STARD3NL: variants seen among roughly 807,000 people sequenced by gnomAD.
STARD3NL encodes the protein STARD3 N-terminal-like protein.
Under a neutral mutation model 30.9 loss-of-function variants are expected in STARD3NL, and 17 were observed. That is an observed-to-expected ratio of 0.55 (90% confidence interval 0.38 to 0.82). The LOEUF (loss-of-function observed/expected upper bound fraction) is 0.82. STARD3NL is among the 40% of genes least tolerant of loss of function. The pLI is 0.00. For missense variants in STARD3NL, 234 were observed against 277.6 expected (o/e 0.84, Z 1.12); for synonymous variants, 112 against 100.5 (o/e 1.11, Z -0.69).
chr7:38,229,866 G>C (rs1042883612), intron 8 of STARD3NL, 57 bp from the exon 9 acceptor site: 1 of 94,910 alleles, frequency 1.1e-5, no homozygotes, highest in Non-Finnish European at 2.4e-5. Flanking sequence ...GGTGACCGTG[G>C]CATTTTGCCT....
chr7:38,199,628 T>C (rs1785081877), intron 1 of STARD3NL, among the ~76,000 whole-genome samples: 1 of 152,160 alleles, frequency 6.6e-6, no homozygotes, highest in African/African-American at 2.4e-5. Context: ...GCCTGGAGGT[T>C]GGAATATGGG....
intron 7 of STARD3NL, among the ~76,000 whole-genome samples, chr7:38,223,295 C>T (rs1282114009): frequency 6.6e-6 from 1 of 152,130 alleles, no homozygotes. Context: ...TGCAGGCTTG[C>T]TTGTTGATCA....
chr7:38,204,248 C>T (rs1421932911), intron 1 of STARD3NL, among the ~76,000 whole-genome samples: 1 of 152,216 alleles, frequency 6.6e-6, no homozygotes, highest in African/African-American at 2.4e-5. Flanking sequence ...AAGCACTCCT[C>T]AGCAAATGTA....
At chr7:38,214,529 C>T (rs1390286525) in intron 3 of STARD3NL, 95 bp downstream of exon 3, 1 of 690,810 alleles carries the variant, frequency 1.4e-6, no homozygotes, top group African/African-American at 1.9e-5. Context: ...CCCTTTTTTC[C>T]TCTTTTGAAC....
intron 1 of STARD3NL, among the ~76,000 whole-genome samples, chr7:38,185,597 A>C (rs1333784220): frequency 2.0e-5 from 3 of 152,192 alleles, no homozygotes; most frequent in Non-Finnish European, 4.4e-5. Flanking sequence ...AGTGAGTAGA[A>C]GATGGCTCTG....
intron 1 of STARD3NL, among the ~76,000 whole-genome samples, chr7:38,195,275 C>T (rs971431920): frequency 6.6e-6 from 1 of 152,104 alleles, no homozygotes; most frequent in East Asian, 1.9e-4. Flanking sequence ...AGGCTGGTCT[C>T]GAACTCCTGA....
intron 1 of STARD3NL, among the ~76,000 whole-genome samples, chr7:38,200,386 G>A (rs369190872): frequency 2.2e-4 from 34 of 152,068 alleles, no homozygotes; most frequent in Admixed American, 9.8e-4. Flanking sequence ...GTTCTTCCCT[G>A]TTCCACTATT....
At chr7:38,200,376 G>A (rs1435585673) in intron 1 of STARD3NL, among the ~76,000 whole-genome samples, 6 of 152,020 alleles carry the variant, frequency 3.9e-5, no homozygotes, top group Non-Finnish European at 5.9e-5. Flanking sequence ...AGTGCTTCTC[G>A]TTCTTCCCTG....
intron 1 of STARD3NL, among the ~76,000 whole-genome samples, chr7:38,195,457 G>A (rs1784860396): frequency 6.6e-6 from 1 of 152,166 alleles, no homozygotes; most frequent in Non-Finnish European, 1.5e-5. Flanking sequence ...TTGAGTTATT[G>A]TGGACTTATT....
chr7:38,216,329 G>A (rs1162177420), intron 4 of STARD3NL: 1 of 152,132 alleles, frequency 6.6e-6, no homozygotes, highest in African/African-American at 2.4e-5. Context: ...AAAAACATTT[G>A]CAGAGAAGAG....
intron 7 of STARD3NL, among the ~76,000 whole-genome samples, chr7:38,222,009 C>G (rs1786492471): frequency 1.3e-5 from 2 of 152,224 alleles, no homozygotes; most frequent in Non-Finnish European, 2.9e-5. Context: ...TTTGGAACCT[C>G]TTCCACAGCC....
At position 38,178,690 on chromosome 7, in the gene STARD3NL, G is replaced by A. The variant is rs561949685; in HGVS notation, c.-59+270G>A. On this transcript the variant is annotated intron_variant, in intron 1 of 8. Transcript: ENST00000009041. ...ATTCAGGGATGGATATAGGTAGCGG[G>A]AGTGTCCTCATTCCTCCAGCCTGCG... is the stretch of plus-strand genomic sequence containing the variant. Among the ~76,000 whole-genome samples, 15 of 152,326 alleles carry A rather than the reference G, an allele frequency of 9.8e-5. No homozygotes were observed. The South Asian group carries it at 3.1e-3, about 32-fold the overall frequency.
At chr7:38,214,573 A>AC (rs2116328974) in intron 3 of STARD3NL, 139 bp downstream of exon 3, 1 of 539,984 alleles carries the variant, frequency 1.9e-6, no homozygotes, top group African/African-American at 2.0e-5. Context: ...TTAATTCCCC[A>AC]CCCATTCAAT....
intron 6 of STARD3NL, among the ~76,000 whole-genome samples, chr7:38,219,207 C>A (rs748589687): frequency 1.3e-5 from 2 of 151,994 alleles, no homozygotes; most frequent in East Asian, 3.9e-4. Flanking sequence ...CTACCACACT[C>A]GGCTAATTTT....
Position 38,220,225 on chromosome 7 carries a change from G to C in STARD3NL, c.649+565G>C, listed in dbSNP as rs115059504. 5.7e-3 allele frequency among the ~76,000 whole-genome samples: 873 copies of C among 152,138 alleles called. 10 individuals carry two copies. Among genetic ancestry groups the C allele is most frequent in the African/African-American group, 0.02 (826 of 41,496 alleles). On this transcript the variant is annotated intron_variant, in intron 7 of 8. Coordinates refer to ENST00000009041, the MANE Select transcript of STARD3NL (RefSeq NM_032016.4). ...CCTTTGTCTCCCTGCCTCCAGTTTT[G>C]TCTTTCACTAACCAGCAACCAGAGT...
At chr7:38,226,896 G>GC (rs1216422219) in intron 7 of STARD3NL, among the ~76,000 whole-genome samples, 3 of 152,240 alleles carry the variant, frequency 2.0e-5, no homozygotes, top group African/African-American at 7.2e-5. Context: ...TGCCCATTGA[G>GC]CTGGGTACTG....
At chr7:38,184,011 G>A (rs4723733) in intron 1 of STARD3NL, among the ~76,000 whole-genome samples, 64,831 of 151,980 alleles carry the variant, frequency 0.43, 14,176 homozygotes, top group East Asian at 0.5. Flanking sequence ...ACACATGCCA[G>A]GCATATCTTT....
intron 7 of STARD3NL, among the ~76,000 whole-genome samples, chr7:38,219,941 T>G (rs895570015): frequency 5.9e-5 from 9 of 152,194 alleles, no homozygotes; most frequent in African/African-American, 1.9e-4. Flanking sequence ...GCTCTCATTA[T>G]TGCGGTTCAT....
At chr7:38,218,968 T>C (rs1786288762) in intron 6 of STARD3NL, among the ~76,000 whole-genome samples, 1 of 152,222 alleles carries the variant, frequency 6.6e-6, no homozygotes, top group African/African-American at 2.4e-5. Flanking sequence ...TTGTAGGAAC[T>C]GACCATGTTT....
Sources: allele counts gnomAD v4.1 joint callset (sites outside exome capture counted in the v4.1 genomes callset), GRCh38; gene constraint gnomAD v4.1.1; transcripts MANE v1.5; gene names NCBI Gene and HGNC (gene_info 2026-07-23, HGNC 2026-07-21).